Variants in TRHDE observed in about 807,000 individuals in gnomAD.
TRHDE encodes thyrotropin releasing hormone degrading enzyme.
In TRHDE, 72 loss-of-function variants were observed where a neutral mutation model predicts 125.7. That is an observed-to-expected ratio of 0.57 (90% confidence interval 0.47 to 0.70). The LOEUF is 0.70. TRHDE is among the 30% of genes least tolerant of loss of function. The pLI, the probability that TRHDE is intolerant of heterozygous loss-of-function variation, is 0.00. For synonymous variants in TRHDE, 509 were observed against 509.1 expected, an observed-to-expected ratio of 1.00 and a Z score of 0.00; for missense variants, 1,110 against 1,327.1, an observed-to-expected ratio of 0.84 and a Z score of 2.54.
At chr12:72,451,655 A>T (rs948962732) in intron 3 of TRHDE, among the ~76,000 whole-genome samples, 5 of 151,802 alleles carry the variant, frequency 3.3e-5, no homozygotes, top group Non-Finnish European at 7.4e-5. Flanking sequence ...AATTTTAGGC[A>T]CTTTTTTTTC....
intron 2 of TRHDE, among the ~76,000 whole-genome samples, chr12:72,377,304 C>CTTTTTTTTTTT (rs200021223): frequency 1.5e-5 from 2 of 130,412 alleles, no homozygotes; most frequent in Admixed American, 7.7e-5. Context: ...TTGCTTTAGG[C>CTTTTTTTTTTT]TTTTTTTTTT....
At chr12:72,298,586 T>A (rs191753188) in intron 2 of TRHDE, among the ~76,000 whole-genome samples, 3 of 152,248 alleles carry the variant, frequency 2.0e-5, no homozygotes, top group Admixed American at 2.0e-4. Flanking sequence ...TGTGTAATAC[T>A]GAGGAAAAAA....
intron 5 of TRHDE, among the ~76,000 whole-genome samples, chr12:72,489,996 A>C (rs1877588283): frequency 6.6e-6 from 1 of 151,906 alleles, no homozygotes; most frequent in South Asian, 2.1e-4. Flanking sequence ...AATAAATGGG[A>C]CTACATCAAA....
intron 2 of TRHDE, among the ~76,000 whole-genome samples, chr12:72,138,274 C>T (rs746510376): frequency 6.6e-6 from 1 of 152,072 alleles, no homozygotes; most frequent in African/African-American, 2.4e-5. Flanking sequence ...ACTCCGGAGG[C>T]TGAGGCAGGG....
chr12:72,162,860 G>A (rs916804848), intron 2 of TRHDE: 1 of 151,372 alleles, frequency 6.6e-6, no homozygotes, highest in African/African-American at 2.4e-5. Context: ...TATTGTGATA[G>A]ACAATCATAG....
chr12:72,285,560 C>T (rs1437401722), intron 1 of TRHDE, among the ~76,000 whole-genome samples: 14 of 131,594 alleles, frequency 1.1e-4, no homozygotes, highest in Non-Finnish European at 2.2e-4. Context: ...CTCGCTCTGT[C>T]GCCAGGCTGG....
chr12:72,574,145 A>G (rs1870880102), intron 10 of TRHDE, among the ~76,000 whole-genome samples: 1 of 151,856 alleles, frequency 6.6e-6, no homozygotes, highest in African/African-American at 2.4e-5. Context: ...TCTCTACTTG[A>G]GAGAGAGTAC....
At chr12:72,236,564 T>A (rs1878342150) in intron 2 of TRHDE, among the ~76,000 whole-genome samples, 1 of 150,992 alleles carries the variant, frequency 6.6e-6, no homozygotes, top group South Asian at 2.1e-4. Flanking sequence ...GACAAGTACT[T>A]TTTGTGTCAA....
Position 72,300,926 on chromosome 12 carries a change from G to T in TRHDE, c.1188+13972G>T, listed in dbSNP as rs117565625. On this transcript the variant is annotated intron_variant, in intron 2 of 18. Transcript: ENST00000261180. ...ACTGAGTAGATGGTGCATTAGCCCTGTGCGGTTATTTCTGGAAGTTTTTCT... is the reference window on the plus strand; with the variant it reads ...ACTGAGTAGATGGTGCATTAGCCCTTTGCGGTTATTTCTGGAAGTTTTTCT... 5.2e-3 allele frequency among the ~76,000 whole-genome samples: 796 copies of T among 152,200 alleles called. 4 individuals carry two copies. The highest frequency in any genetic ancestry group is 8.6e-3 in the Non-Finnish European group (585 of 67,986).
chr12:72,576,018 T>C (rs1429363000), intron 12 of TRHDE, among the ~76,000 whole-genome samples: 1 of 152,198 alleles, frequency 6.6e-6, no homozygotes, highest in Non-Finnish European at 1.5e-5. Context: ...TATATCAATC[T>C]TGTAGAAGAC....
At chr12:72,136,182 A>G (rs540294699) in intron 2 of TRHDE, among the ~76,000 whole-genome samples, 59 of 152,314 alleles carry the variant, frequency 3.9e-4, no homozygotes, top group South Asian at 1.2e-3. Context: ...CTATGAGGCT[A>G]TATGAACATC....
intron 2 of TRHDE, among the ~76,000 whole-genome samples, chr12:72,200,528 A>T (rs1429763604): frequency 6.6e-6 from 1 of 152,214 alleles, no homozygotes; most frequent in Non-Finnish European, 1.5e-5. Flanking sequence ...GTCAGAAAAC[A>T]TGTTTTCTGA....
At chr12:72,413,563 T>G (rs1369532209) in intron 3 of TRHDE, among the ~76,000 whole-genome samples, 3 of 151,920 alleles carry the variant, frequency 2.0e-5, no homozygotes, top group Admixed American at 6.6e-5. Context: ...TACTAGAAAT[T>G]TTAAACTATG....
chr12:72,154,040 T>C (rs1205789827), intron 2 of TRHDE, among the ~76,000 whole-genome samples: 2 of 152,232 alleles, frequency 1.3e-5, no homozygotes, highest in Admixed American at 6.5e-5. Context: ...TAAGTCTCTT[T>C]GTAGGTCTCT....
chr12:72,366,481 G>T (rs145396205), intron 2 of TRHDE, among the ~76,000 whole-genome samples: 52 of 152,232 alleles, frequency 3.4e-4, no homozygotes, highest in African/African-American at 1.2e-3. Context: ...TAGTACTAGA[G>T]TGGACAAGTA....
At chr12:72,432,691 G>A (rs1160829121) in intron 3 of TRHDE, among the ~76,000 whole-genome samples, 1 of 152,172 alleles carries the variant, frequency 6.6e-6, no homozygotes, top group Non-Finnish European at 1.5e-5. Flanking sequence ...GAAGAAGCAG[G>A]TGAACCCCTG....
intron 3 of TRHDE, among the ~76,000 whole-genome samples, chr12:72,384,381 G>C (rs1872323771): frequency 6.6e-6 from 1 of 152,096 alleles, no homozygotes. Context: ...TTGTCGAGGA[G>C]AGAATGCAAT....
In TRHDE at chr12:72,287,665, C is replaced by G. The variant is rs191130185; in HGVS notation, c.1188+711C>G. 1.0e-3 allele frequency among the ~76,000 whole-genome samples: 155 copies of G among 151,990 alleles called. 1 individual carries two copies. Among genetic ancestry groups the G allele is most frequent in the Non-Finnish European group, 1.4e-3 (95 of 67,952 alleles). ...AGTGATTTTCTATTGTAAATAATGT[C>G]CTGCAACTTATTTTCATTTCATTTT... On this transcript the variant is annotated intron_variant, in intron 2 of 18. Coordinates refer to ENST00000261180, the MANE Select transcript of TRHDE (RefSeq NM_013381.3).
At chr12:72,340,267 T>C (rs1870022358) in intron 2 of TRHDE, among the ~76,000 whole-genome samples, 1 of 152,186 alleles carries the variant, frequency 6.6e-6, no homozygotes, top group South Asian at 2.1e-4. Flanking sequence ...ACAATCCAAC[T>C]ACCCAGATGT....
Sources: allele counts gnomAD v4.1 joint callset (sites outside exome capture counted in the v4.1 genomes callset), GRCh38; gene constraint gnomAD v4.1.1; transcripts MANE v1.5; gene names NCBI Gene and HGNC (gene_info 2026-07-23, HGNC 2026-07-21).